The following RLF variants were observed in gnomAD, a reference collection of about 807,000 sequenced individuals.
RLF encodes zinc finger protein Rlf.
A neutral mutation model predicts 162.9 loss-of-function variants in RLF; 7 were observed. That is an observed-to-expected ratio of 0.04 (90% CI 0.02 to 0.08). The LOEUF is 0.08. Among genes scored for constraint, RLF ranks in the 10% least tolerant of loss-of-function variants. The probability of loss-of-function intolerance (pLI) is 1.00; values close to 1 mark genes in which losing one functional copy is unlikely to be tolerated. For missense variants in RLF, 1,664 were observed against 2,244.7 expected (o/e 0.74, Z 5.23); for synonymous variants, 782 against 791.5 (o/e 0.99, Z 0.20).
intron 5 of RLF, among the ~76,000 whole-genome samples, chr1:40,203,107 G>GTGTTT (rs1642740656): frequency 7.5e-6 from 1 of 132,780 alleles, no homozygotes; most frequent in African/African-American, 3.0e-5. Flanking sequence ...TAAGGGTTGA[G>GTGTTT]TCTTTTTTTT....
Position 40,237,604 on chromosome 1 carries a change from G to A in RLF, c.2902G>A (p.Ala968Thr), listed in dbSNP as rs759607181. ...FDGCGSTYKNARGMQKHLRKV... is the reference protein window; with the variant it reads ...FDGCGSTYKNTRGMQKHLRKV... The stretch of plus-strand genomic sequence containing the variant: ...TGGCTGTGGTTCCACATACAAAAAT[G>A]CAAGAGGAATGCAGAAACATTTACG... Residue 968 changes from alanine to threonine, a missense_variant, in exon 8 of 8, where the codon GCA becomes ACA. This residue lies in a region of RLF where 295 missense variants were observed against 317.4 expected (regional missense o/e 0.93). Transcript: ENST00000372771. The surrounding 1 kb of genome is among the most constrained non-coding windows in gnomAD (Gnocchi z 4.4). The A allele has an allele frequency of 6.2e-7, 1 of 1,614,144 alleles. No homozygotes were observed. The highest frequency in any genetic ancestry group is 8.5e-7 in the Non-Finnish European group (1 of 1,180,012).
intron 5 of RLF, among the ~76,000 whole-genome samples, chr1:40,202,987 T>C (rs895909829): frequency 6.6e-6 from 1 of 152,090 alleles, no homozygotes; most frequent in African/African-American, 2.4e-5. Flanking sequence ...CACTTAATTT[T>C]AGCTTAAGTT....
At chr1:40,221,558 G>C (rs1297780742) in intron 5 of RLF, among the ~76,000 whole-genome samples, 1 of 151,770 alleles carries the variant, frequency 6.6e-6, no homozygotes, top group Non-Finnish European at 1.5e-5. Context: ...CCTTGTAACT[G>C]CGTAGCGCAC....
Position 40,239,376 on chromosome 1 carries a change from T to C in RLF, c.4674T>C (p.Ser1558=), listed in dbSNP as rs750446695. ...CCTGCATGGTTCAAGGATGCTTATC[T>C]GTGGTGAAGTTGGAGAGCAGCATTG... ...QYPCMVQGCL[S]VVKLESSIVR... Residue 1558 remains serine (S), a synonymous_variant, in exon 8 of 8, where the codon TCT becomes TCC. Coordinates refer to ENST00000372771, the MANE Select transcript of RLF (RefSeq NM_012421.4). 6.2e-7 allele frequency: 1 copy of C among 1,614,002 alleles called. No homozygotes were observed. The highest frequency in any genetic ancestry group is 2.2e-5 in the East Asian group (1 of 44,880).
intron 3 of RLF, among the ~76,000 whole-genome samples, chr1:40,193,766 TGGGTGG>T (rs1642591980): frequency 6.8e-6 from 1 of 148,070 alleles, no homozygotes; most frequent in South Asian, 2.3e-4. Flanking sequence ...GGTGGGTGTG[TGGGTGG>T]GTGTATATGT....
intron 5 of RLF, among the ~76,000 whole-genome samples, chr1:40,204,311 G>A (rs1319814443): frequency 1.3e-5 from 2 of 150,820 alleles, no homozygotes; most frequent in African/African-American, 4.9e-5. Context: ...CACTGCTCCC[G>A]GCCACTGGTC....
At chr1:40,221,584 G>C (rs536341670) in intron 5 of RLF, among the ~76,000 whole-genome samples, 2 of 149,700 alleles carry the variant, frequency 1.3e-5, no homozygotes, top group Non-Finnish European at 3.0e-5. Context: ...GAGTTGAGCT[G>C]TTTACCTCAT....
In RLF at chr1:40,237,684, T is replaced by A. The variant is rs746422894; in HGVS notation, c.2982T>A (p.Phe994Leu). The A allele has an allele frequency of 6.2e-7, 1 of 1,614,152 alleles. No homozygotes were observed. Among genetic ancestry groups the A allele is most frequent in the East Asian group, 2.2e-5 (1 of 44,882 alleles). ...KPKKIKTKDL[F>L]PSLGNEHNQT... ...AAAAGATAAAGACGAAAGATCTGTT[T>A]CCCTCTTTGGGTAATGAACATAATC... The change falls in exon 8 of 8, where the codon TTT becomes TTA. Residue 994 changes from phenylalanine to leucine, a missense_variant. This residue lies in a region of RLF where 295 missense variants were observed against 317.4 expected (regional missense o/e 0.93). Coordinates refer to ENST00000372771, the MANE Select transcript of RLF (RefSeq NM_012421.4). The surrounding 1 kb of genome is among the most constrained non-coding windows in gnomAD (Gnocchi z 4.4).
Position 40,240,304 on chromosome 1 carries a change from T to G in RLF, c.5602T>G (p.Leu1868Val). 6.2e-7 allele frequency: 1 copy of G among 1,614,208 alleles called. No individual in the cohort carries two copies. The highest frequency in any genetic ancestry group is 1.3e-5 in the African/African-American group (1 of 75,062). Reference protein sequence around the residue: ...ENLRVVLDKALTDCGELALKQ... With the variant: ...ENLRVVLDKAVTDCGELALKQ... ...CCTGAGGGTTGTATTGGACAAAGCA[T>G]TAACAGACTGTGGAGAGCTTGCCTT... is the stretch of plus-strand genomic sequence containing the variant. Residue 1868 changes from leucine to valine, a missense_variant, in exon 8 of 8, where the codon TTA (leucine) becomes GTA (valine). Leu to Val is a conservative substitution (Grantham distance 32, BLOSUM62 1). This residue lies in a region of RLF where 327 missense variants were observed against 342.7 expected (regional missense o/e 0.95). Transcript: ENST00000372771.
chr1:40,218,199 C>T (rs1159779372), intron 5 of RLF, among the ~76,000 whole-genome samples: 1 of 152,144 alleles, frequency 6.6e-6, no homozygotes, highest in Admixed American at 6.6e-5. Flanking sequence ...TTATCATTGG[C>T]CTGTATGATA....
At chr1:40,226,321 GAC>G (rs1291086696) in intron 6 of RLF, among the ~76,000 whole-genome samples, 2 of 152,162 alleles carry the variant, frequency 1.3e-5, no homozygotes, top group Non-Finnish European at 2.9e-5. Flanking sequence ...TGAAAAAGGT[GAC>G]CATTTTGAGT....
chr1:40,189,422 C>T (rs1414990910), intron 2 of RLF, among the ~76,000 whole-genome samples: 1 of 152,154 alleles, frequency 6.6e-6, no homozygotes, highest in African/African-American at 2.4e-5. Flanking sequence ...CCTCTAGAGT[C>T]TCTTTTCCTA....
intron 5 of RLF, among the ~76,000 whole-genome samples, chr1:40,216,108 G>A (rs1029868247): frequency 2.0e-5 from 3 of 152,096 alleles, no homozygotes; most frequent in Non-Finnish European, 2.9e-5. Context: ...GAAATAAAAA[G>A]GATTATAAAG....
At chr1:40,221,133 TA>T (rs1042498906) in intron 5 of RLF, among the ~76,000 whole-genome samples, 1 of 151,818 alleles carries the variant, frequency 6.6e-6, no homozygotes, top group Non-Finnish European at 1.5e-5. Flanking sequence ...GACACTGTCT[TA>T]AAAAAACTAA....
intron 1 of RLF, among the ~76,000 whole-genome samples, chr1:40,173,405 C>T (rs1466152083): frequency 1.3e-5 from 2 of 151,716 alleles, no homozygotes; most frequent in African/African-American, 4.8e-5. Context: ...ATGTATCAGA[C>T]ATTTACATTT....
intron 4 of RLF, among the ~76,000 whole-genome samples, chr1:40,197,784 C>A (rs1474860590): frequency 6.6e-6 from 1 of 152,180 alleles, no homozygotes; most frequent in Non-Finnish European, 1.5e-5. Flanking sequence ...AGCCTGCCTC[C>A]TTTCACAGTT....
chr1:40,187,517 G>A (rs1004376365), intron 1 of RLF, among the ~76,000 whole-genome samples: 1 of 152,116 alleles, frequency 6.6e-6, no homozygotes, highest in Non-Finnish European at 1.5e-5. Context: ...AATTACAGAA[G>A]GGCATTTATC....
chr1:40,231,454 CG>C, intron 6 of RLF, 62 bp from the exon 7 acceptor site: 2 of 1,507,996 alleles, frequency 1.3e-6, no homozygotes, highest in Non-Finnish European at 9.0e-7. Flanking sequence ...ATTGGGTTGC[CG>C]GGGGCAGGGC....
chr1:40,224,305 TC>T (rs1233603712), intron 6 of RLF, among the ~76,000 whole-genome samples: 43 of 144,740 alleles, frequency 3.0e-4, no homozygotes, highest in South Asian at 2.1e-4. Flanking sequence ...AGCAATTGCA[TC>T]TTTTTTTTTT....
Sources: allele counts gnomAD v4.1 joint callset (sites outside exome capture counted in the v4.1 genomes callset), GRCh38; gene constraint gnomAD v4.1.1; regional missense constraint gnomAD v4.1.1; non-coding constraint Gnocchi (gnomAD v3.1); transcripts MANE v1.5; gene names NCBI Gene and HGNC (gene_info 2026-07-23, HGNC 2026-07-21).